Variants in IFT20 observed in about 807,000 individuals in gnomAD.
IFT20 encodes the protein intraflagellar transport protein 20 homolog.
Under a neutral mutation model 16.9 loss-of-function variants are expected in IFT20, and 4 were observed. That is an observed-to-expected ratio of 0.24 (90% CI 0.12 to 0.54). IFT20 has a LOEUF of 0.54. Ranked by LOEUF, IFT20 falls within the 20% of genes least tolerant of loss-of-function variation. The probability of loss-of-function intolerance (pLI) is 0.95; values close to 1 mark genes in which losing one functional copy is unlikely to be tolerated. For missense variants in IFT20, 154 were observed against 149.7 expected (o/e 1.03, Z -0.15); for synonymous variants, 48 against 49.9 (o/e 0.96, Z 0.16).
In IFT20 at chr17:28,330,046, G is replaced by A. The variant is rs181923540; in HGVS notation, c.213+397C>T. ...TTGCACTCCAGCCTGGGCAACGAGA[G>A]AAAACTCCGTCTCAAAAAAAAAAAA... On this transcript the variant is annotated intron_variant, in intron 3 of 4. Transcript: ENST00000395418. 4,540 of 480,066 alleles carry A rather than the reference G, an allele frequency of 9.5e-3. 37 individuals are homozygous for A. Among genetic ancestry groups the A allele is most frequent in the Non-Finnish European group, 0.012 (3,214 of 278,840 alleles). The allele number at this position is 480,066 out of a possible 1,614,324, so 29.7% of individuals were successfully genotyped here.
At chr17:28,330,292 G>C (rs1906677477) in intron 3 of IFT20, 151 bp downstream of exon 3, 4 of 664,342 alleles carry the variant, frequency 6.0e-6, no homozygotes, top group Non-Finnish European at 1.1e-5. Flanking sequence ...AGTTCAGTAG[G>C]TTAAGTGGAC....
chr17:28,329,936 T>C (rs1327741511), intron 3 of IFT20: 4 of 374,288 alleles, frequency 1.1e-5, no homozygotes, highest in Non-Finnish European at 1.9e-5. Flanking sequence ...GGCACATGCC[T>C]GTAATCCCAG....
At chr17:28,332,373 C>T in intron 1 of IFT20, 1 of 594,926 alleles carries the variant, frequency 1.7e-6, no homozygotes. Context: ...CTGAAGAGCA[C>T]ATAGTTCAGC....
At chr17:28,332,035 G>A in intron 1 of IFT20, 48 bp from the exon 2 acceptor site, 3 of 1,613,082 alleles carry the variant, frequency 1.9e-6, no homozygotes, top group Non-Finnish European at 2.5e-6. Context: ...GCCACCCAAG[G>A]AAATGCCTGC....
At position 28,331,850 on chromosome 17, in the gene IFT20, A is replaced by G. The variant is rs1555576582; in HGVS notation, c.127+9T>C. 2.5e-6 allele frequency: 4 copies of G among 1,614,184 alleles called. No homozygotes were observed. The African/African-American group carries it at 5.3e-5, about 22-fold the overall frequency. ...AAGCTGAGTGGCACTGTATCTCCCC[A>G]ATACTCACTGTCCACAAAGTCTTTG... On this transcript the variant is annotated intron_variant, in intron 2 of 4. Coordinates refer to ENST00000395418, the MANE Select transcript of IFT20 (RefSeq NM_001267776.2).
At chr17:28,331,658 T>G in intron 2 of IFT20, 6 of 568,772 alleles carry the variant, frequency 1.1e-5, no homozygotes, top group East Asian at 5.8e-5. Flanking sequence ...CATCCCGGTG[T>G]TTGGTTTGAC....
intron 3 of IFT20, 138 bp downstream of exon 3, chr17:28,330,305 G>C: frequency 1.5e-6 from 1 of 686,994 alleles, no homozygotes; most frequent in African/African-American, 1.8e-5. Flanking sequence ...AAGTGGACCA[G>C]AAGTTATTAA....
chr17:28,333,577 G>A lies in IFT20; in HGVS notation c.-2-1590C>T, dbSNP rs536116540. 1.4e-3 allele frequency among the ~76,000 whole-genome samples: 208 copies of A among 152,364 alleles called. 3 individuals carry two copies. The South Asian group carries it at 0.039, about 28-fold the overall frequency. ...CTCACTGGAATCCACTGATGTAAGT[G>A]AGCTAGCATCATCCTTTTGAAGCAT... is the stretch of plus-strand genomic sequence containing the variant. On this transcript the variant is annotated intron_variant, in intron 1 of 4. Transcript: ENST00000395418.
intron 1 of IFT20, among the ~76,000 whole-genome samples, chr17:28,334,519 A>C (rs1907003851): frequency 6.6e-6 from 1 of 152,264 alleles, no homozygotes; most frequent in Non-Finnish European, 1.5e-5. Context: ...TGGGACAGCC[A>C]GCGGGTTCTC....
intron 1 of IFT20, among the ~76,000 whole-genome samples, chr17:28,333,500 G>A (rs1241765456): frequency 6.6e-6 from 1 of 152,194 alleles, no homozygotes; most frequent in Non-Finnish European, 1.5e-5. Flanking sequence ...ACACTGCATG[G>A]GCCAACTAAT....
intron 1 of IFT20, 98 bp from the exon 2 acceptor site, chr17:28,332,085 C>G: frequency 6.2e-7 from 1 of 1,607,818 alleles, no homozygotes; most frequent in East Asian, 2.2e-5. Context: ...ACACCAATGC[C>G]AAAAACCCAG....
chr17:28,332,085 CA>C, intron 1 of IFT20, 98 bp from the exon 2 acceptor site: 1 of 1,607,806 alleles, frequency 6.2e-7, no homozygotes. Flanking sequence ...ACACCAATGC[CA>C]AAAACCCAGG....
rs571372675 is a variant in IFT20, at chr17:28,330,414, G to A, written c.213+29C>T. 3.1e-5 allele frequency: 48 copies of A among 1,531,314 alleles called. 2 individuals are homozygous for A. In the South Asian group the frequency reaches 5.0e-4, roughly 16 times the overall value. The allele number at this position is 1,531,314 out of a possible 1,614,324, so 94.9% of individuals were successfully genotyped here. A position where few individuals can be genotyped will look rare whatever the true frequency, so the allele number is the denominator to read the frequency against. On this transcript the variant is annotated intron_variant, in intron 3 of 4. Transcript: ENST00000395418. ...GTAGTGAACTAGGGTCCCAGGCCAA[G>A]ATGTAGGCGGAAGACATGCTGATCT...
chr17:28,332,999 T>C (rs1219383811), intron 1 of IFT20, among the ~76,000 whole-genome samples: 5 of 151,766 alleles, frequency 3.3e-5, no homozygotes, highest in Non-Finnish European at 5.9e-5. Flanking sequence ...CCAAGCCACC[T>C]TGCATTCCTG....
chr17:28,332,636 T>G, intron 1 of IFT20: 1 of 155,760 alleles, frequency 6.4e-6, no homozygotes, highest in East Asian at 1.9e-4. Context: ...TTAAAAATTA[T>G]GGTTAAAAAA....
intron 3 of IFT20, 44 bp downstream of exon 3, chr17:28,330,399 A>C: frequency 2.2e-6 from 3 of 1,336,882 alleles, no homozygotes; most frequent in South Asian, 2.3e-5. Flanking sequence ...GTAGTGAACT[A>C]GGGTCCCAGG....
At chr17:28,332,309 G>A in intron 1 of IFT20, 1 of 1,076,008 alleles carries the variant, frequency 9.3e-7, no homozygotes, top group Non-Finnish European at 1.3e-6. Context: ...CCTACTACAT[G>A]CCAACACTGC....
intron 3 of IFT20, 71 bp from the exon 4 acceptor site, chr17:28,329,347 G>A: frequency 8.7e-7 from 1 of 1,153,282 alleles, no homozygotes; most frequent in Non-Finnish European, 1.3e-6. Context: ...AAAGTGGGGA[G>A]GGGTTATCTG....
In IFT20 at chr17:28,332,534, T is replaced by A. The variant is rs369727852; in HGVS notation, c.-2-547A>T. On this transcript the variant is annotated intron_variant, in intron 1 of 4. Transcript: ENST00000395418. ...GCCATCAGTGTATTTACTTTATATA[T>A]CACCAGTTATGTACTGAAAAGCACA... is the stretch of plus-strand genomic sequence containing the variant. Among the ~76,000 whole-genome samples the A allele has an allele frequency of 3.9e-5, 6 of 152,082 alleles. No individual in the cohort carries two copies. The South Asian group carries it at 6.2e-4, about 16-fold the overall frequency.
Sources: allele counts gnomAD v4.1 joint callset (sites outside exome capture counted in the v4.1 genomes callset), GRCh38; gene constraint gnomAD v4.1.1; transcripts MANE v1.5; gene names NCBI Gene and HGNC (gene_info 2026-07-23, HGNC 2026-07-21).